Variants in RGS8 observed in about 807,000 individuals in gnomAD.
RGS8 encodes regulator of G protein signaling 8, also known as regulator of G-protein signaling 8.
In RGS8, 8 loss-of-function variants were observed where a neutral mutation model predicts 21.7. The ratio of observed to expected loss-of-function variants is 0.37; its 90% CI spans 0.22 to 0.66. The LOEUF is 0.66. Ranked by LOEUF, RGS8 falls within the 30% of genes least tolerant of loss-of-function variation. The probability of loss-of-function intolerance (pLI) is 0.59; values close to 1 mark genes in which losing one functional copy is unlikely to be tolerated. For synonymous variants in RGS8, 80 were observed against 83.6 expected, an observed-to-expected ratio of 0.96 and a Z score of 0.24; for missense variants, 157 against 217.9, an observed-to-expected ratio of 0.72 and a Z score of 1.76.
chr1:182,741,754 T>C, the RGS8 span, among the ~76,000 whole-genome samples: 85 of 94,906 alleles, frequency 9.0e-4, no homozygotes, highest in Admixed American at 1.0e-3. Context: ...GGCGGGGGGC[T>C]GACCCCCCCA....
At chr1:182,668,761 C>T (rs1331414792) in intron 3 of RGS8, among the ~76,000 whole-genome samples, 2 of 152,212 alleles carry the variant, frequency 1.3e-5, no homozygotes, top group Non-Finnish European at 2.9e-5. Flanking sequence ...TCTCCTGCGA[C>T]AGCGGGCATC....
intron 5 of RGS8, chr1:182,658,430 T>C (rs1663391594): frequency 6.6e-6 from 1 of 152,234 alleles, no homozygotes; most frequent in African/African-American, 2.4e-5. Context: ...GTTCTCTATT[T>C]ATGAAAATGC....
the RGS8 span, among the ~76,000 whole-genome samples, chr1:182,732,325 C>A: frequency 6.7e-6 from 1 of 149,306 alleles, no homozygotes; most frequent in African/African-American, 2.5e-5. Context: ...TACTAGGTTG[C>A]GCTTAATGCT....
downstream of RGS8, chr1:182,643,964 C>A (rs1018857185): frequency 2.6e-5 from 4 of 152,226 alleles, no homozygotes; most frequent in African/African-American, 9.7e-5. Flanking sequence ...CAGGACTGAG[C>A]AAGCCTCAAG....
At chr1:182,682,574 C>T (rs910910525) in intron 1 of RGS8, among the ~76,000 whole-genome samples, 3 of 152,168 alleles carry the variant, frequency 2.0e-5, no homozygotes, top group African/African-American at 7.2e-5. Context: ...GCTATCATTC[C>T]TTTCAGCTGA....
chr1:182,672,943 T>C (rs1375949452), upstream of RGS8: 2 of 1,239,580 alleles, frequency 1.6e-6, no homozygotes, highest in Non-Finnish European at 2.4e-6. Context: ...CTGAGAAGTA[T>C]CAGAAATGCA....
chr1:182,657,938 A>C (rs768780541), intron 5 of RGS8, among the ~76,000 whole-genome samples: 6 of 152,230 alleles, frequency 3.9e-5, no homozygotes, highest in Non-Finnish European at 7.3e-5. Flanking sequence ...ACAGTTTGGG[A>C]AAATGGGAAG....
the RGS8 span, among the ~76,000 whole-genome samples, chr1:182,733,527 A>G: frequency 6.6e-6 from 1 of 152,220 alleles, no homozygotes; most frequent in African/African-American, 2.4e-5. Flanking sequence ...ACCAGTCACA[A>G]GCTTAGGCCA....
the RGS8 span, among the ~76,000 whole-genome samples, chr1:182,723,622 C>A: frequency 2.6e-5 from 4 of 152,120 alleles, no homozygotes; most frequent in African/African-American, 9.7e-5. Flanking sequence ...TGCTGTTGGT[C>A]CCACAGACCA....
At chr1:182,647,818 A>C (rs1662775832) in intron 6 of RGS8, among the ~76,000 whole-genome samples, 1 of 152,204 alleles carries the variant, frequency 6.6e-6, no homozygotes, top group Admixed American at 6.5e-5. Context: ...ACATTTCATT[A>C]AGCTATGCTG....
At chr1:182,705,841 A>T in the RGS8 span, among the ~76,000 whole-genome samples, 3 of 152,198 alleles carry the variant, frequency 2.0e-5, no homozygotes, top group Non-Finnish European at 4.4e-5. Flanking sequence ...AGCCCCGTTC[A>T]ACAGCTTCTT....
At chr1:182,664,983 C>T (rs61548814) in intron 5 of RGS8, among the ~76,000 whole-genome samples, 8,249 of 152,246 alleles carry the variant, frequency 0.054, 516 homozygotes, top group African/African-American at 0.15. Context: ...TTAGTAACAA[C>T]GCTGAGTCAA....
downstream of RGS8, chr1:182,645,979 C>T (rs183042842): frequency 7.4e-4 from 112 of 152,292 alleles, no homozygotes; most frequent in African/African-American, 2.4e-3. Context: ...AAAAGTTCTT[C>T]GTAGAATTGA....
At chr1:182,744,040 T>C in the RGS8 span, among the ~76,000 whole-genome samples, 2 of 152,234 alleles carry the variant, frequency 1.3e-5, no homozygotes, top group Admixed American at 6.5e-5. Flanking sequence ...GACTTTGGCT[T>C]GTTCAACATC....
chr1:182,683,283 A>G (rs1172460095), intron 1 of RGS8, among the ~76,000 whole-genome samples: 2 of 152,230 alleles, frequency 1.3e-5, no homozygotes, highest in African/African-American at 4.8e-5. Context: ...AATAACAGCC[A>G]TCATCAGCGT....
chr1:182,700,825 G>A, the RGS8 span, among the ~76,000 whole-genome samples: 1 of 152,152 alleles, frequency 6.6e-6, no homozygotes, highest in Non-Finnish European at 1.5e-5. Context: ...CATCATGATA[G>A]TCCAGTGGAC....
the RGS8 span, among the ~76,000 whole-genome samples, chr1:182,736,518 T>G: frequency 6.6e-6 from 1 of 152,130 alleles, no homozygotes; most frequent in Admixed American, 6.5e-5. Flanking sequence ...TACCAAATTT[T>G]TGGGGTGATT....
upstream of RGS8, among the ~76,000 whole-genome samples, chr1:182,676,711 T>TA (rs1457289730): frequency 8.5e-5 from 13 of 152,216 alleles, no homozygotes; most frequent in Non-Finnish European, 1.6e-4. Context: ...CAGCTGAAGC[T>TA]GTGTGCCCAT....
At chr1:182,723,193 A>T in the RGS8 span, among the ~76,000 whole-genome samples, 1 of 152,172 alleles carries the variant, frequency 6.6e-6, no homozygotes, top group African/African-American at 2.4e-5. Context: ...ATCTTAAAAT[A>T]AAAAAGTGTT....
Sources: gnomAD v4.1 joint callset for allele counts (sites outside exome capture counted in the v4.1 genomes callset) on GRCh38, gnomAD v4.1.1 for gene constraint, MANE v1.5 for transcripts, NCBI Gene and HGNC (gene_info 2026-07-23, HGNC 2026-07-21) for gene names.